DLG2: variants seen among roughly 807,000 people sequenced by gnomAD.
DLG2 encodes the protein discs large MAGUK scaffold protein 2.
DLG2 carries 45 observed loss-of-function variants against 132.5 expected under a neutral mutation model. That is an observed-to-expected ratio of 0.34 (90% confidence interval 0.27 to 0.44). The LOEUF (loss-of-function observed/expected upper bound fraction) is 0.44, where lower values mean the gene tolerates loss of function less well. Among genes scored for constraint, DLG2 ranks in the 20% least tolerant of loss-of-function variants. DLG2 has a pLI of 1.00. For missense variants in DLG2, 1,045 were observed against 1,196.9 expected, an observed-to-expected ratio of 0.87 and a Z score of 1.87; for synonymous variants, 424 against 419.6, an observed-to-expected ratio of 1.01 and a Z score of -0.13.
chr11:84,431,909 T>G (rs910006962), intron 7 of DLG2, among the ~76,000 whole-genome samples: 9 of 152,142 alleles, frequency 5.9e-5, no homozygotes, highest in Admixed American at 2.6e-4. Context: ...TTTTTAGTAA[T>G]AGATGAAATA....
chr11:85,513,569 G>T (rs1000395395), intron 3 of DLG2, among the ~76,000 whole-genome samples: 1 of 151,866 alleles, frequency 6.6e-6, no homozygotes, highest in Admixed American at 6.6e-5. Context: ...TCTTCAATGA[G>T]CACTTATCTT....
rs138711142 is a variant in DLG2, at chr11:84,880,358, G to A, written c.357+231303C>T. 2.0e-5 allele frequency among the ~76,000 whole-genome samples: 3 copies of A among 152,134 alleles called. No individual in the cohort carries two copies. In the East Asian group the frequency reaches 5.8e-4, roughly 29 times the overall value. ...TGTATTGAAACACAGACATTAAAGT[G>A]CCCAGCCACCGGGTGACTTATTTCA... is the stretch of plus-strand genomic sequence containing the variant. On this transcript the variant is annotated intron_variant, in intron 6 of 27. Coordinates refer to ENST00000376104, the MANE Select transcript of DLG2 (RefSeq NM_001142699.3).
chr11:83,547,968 A>G (rs1397111350), intron 19 of DLG2, among the ~76,000 whole-genome samples: 4 of 152,156 alleles, frequency 2.6e-5, no homozygotes, highest in African/African-American at 9.6e-5. Flanking sequence ...TTGCAGAAAT[A>G]CAGACTTTAA....
At chr11:84,256,953 G>A (rs1798281443) in intron 7 of DLG2, among the ~76,000 whole-genome samples, 1 of 152,178 alleles carries the variant, frequency 6.6e-6, no homozygotes, top group Non-Finnish European at 1.5e-5. Context: ...TCACACAGAA[G>A]ATTTCCATCG....
intron 7 of DLG2, among the ~76,000 whole-genome samples, chr11:84,306,496 G>T (rs969721214): frequency 6.6e-6 from 1 of 152,162 alleles, no homozygotes; most frequent in African/African-American, 2.4e-5. Context: ...AGAACAAAGT[G>T]TAATGGTCCC....
intron 6 of DLG2, among the ~76,000 whole-genome samples, chr11:84,803,478 C>T (rs914438552): frequency 6.6e-5 from 10 of 152,166 alleles, no homozygotes; most frequent in South Asian, 2.1e-4. Flanking sequence ...GCCCTGAAAA[C>T]GCAGTAAGTT....
At position 85,110,057 on chromosome 11, in the gene DLG2, T is replaced by C. The variant is rs1262383862; in HGVS notation, c.357+1604A>G. On this transcript the variant is annotated intron_variant, in intron 6 of 27. Transcript: ENST00000376104. ...TACCAGGGATTTTACTAGCTGTGGA[T>C]ATACTAGGACCCCAAGGAGCACATT... Among the ~76,000 whole-genome samples the C allele has an allele frequency of 2.6e-5, 4 of 152,068 alleles. No individual in the cohort carries two copies. In the East Asian group the frequency reaches 7.7e-4, roughly 29 times the overall value.
chr11:84,596,184 TTC>T (rs1555079095), intron 6 of DLG2, among the ~76,000 whole-genome samples: 1 of 139,868 alleles, frequency 7.1e-6, no homozygotes. Flanking sequence ...TTTCCTTCTT[TTC>T]TCTGTCTCTC....
intron 7 of DLG2, chr11:84,273,148 T>C (rs750432267): frequency 5.3e-6 from 8 of 1,513,412 alleles, no homozygotes; most frequent in South Asian, 4.0e-5. Context: ...AAATTTTCCT[T>C]ACCGGAATAA....
chr11:84,564,525 A>G (rs2099442744), intron 6 of DLG2, among the ~76,000 whole-genome samples: 1 of 152,210 alleles, frequency 6.6e-6, no homozygotes, highest in South Asian at 2.1e-4. Flanking sequence ...TTGAATAAGC[A>G]TAAAATATCG....
At chr11:83,506,721 C>A (rs1592072701) in intron 21 of DLG2, among the ~76,000 whole-genome samples, 1 of 152,276 alleles carries the variant, frequency 6.6e-6, no homozygotes, top group South Asian at 2.1e-4. Context: ...AAAAAAGGTT[C>A]ATCAGAATTT....
intron 3 of DLG2, among the ~76,000 whole-genome samples, chr11:85,473,256 A>G (rs1001262064): frequency 1.3e-5 from 2 of 152,214 alleles, no homozygotes; most frequent in Non-Finnish European, 2.9e-5. Context: ...AGTCATCCTG[A>G]GTGAAACTTG....
chr11:85,169,144 C>A (rs761316587), intron 4 of DLG2, among the ~76,000 whole-genome samples: 4 of 152,078 alleles, frequency 2.6e-5, no homozygotes, highest in Non-Finnish European at 5.9e-5. Flanking sequence ...ACAATGGGAA[C>A]GCTATAAAAA....
At chr11:84,069,086 T>C (rs1293366182) in intron 10 of DLG2, among the ~76,000 whole-genome samples, 1 of 152,174 alleles carries the variant, frequency 6.6e-6, no homozygotes, top group Non-Finnish European at 1.5e-5. Context: ...TGTTAAACTA[T>C]ACATTACCAC....
chr11:83,790,438 T>C lies in DLG2; in HGVS notation c.1723-3646A>G. ...TTGGTCCCCAGTACCATCCTTGTTT[T>C]GCAAGATCTTTTTAGCTCCTCTGTA... On this transcript the variant is annotated intron_variant, in intron 17 of 27. Transcript: ENST00000376104. 4.5e-6 allele frequency: 5 copies of C among 1,109,470 alleles called. No homozygotes were observed. In the South Asian group the frequency reaches 5.3e-5, roughly 12 times the overall value. The allele number at this position is 1,109,470 out of a possible 1,614,324, so 68.7% of individuals were successfully genotyped here. A position where few individuals can be genotyped will look rare whatever the true frequency, so the allele number is the denominator to read the frequency against.
At chr11:84,854,384 A>G (rs1409635464) in intron 6 of DLG2, among the ~76,000 whole-genome samples, 1 of 151,878 alleles carries the variant, frequency 6.6e-6, no homozygotes, top group Non-Finnish European at 1.5e-5. Context: ...ATTTGCCTCT[A>G]GACATTCCTG....
intron 4 of DLG2, among the ~76,000 whole-genome samples, chr11:85,206,166 G>A (rs899406997): frequency 1.3e-5 from 2 of 152,090 alleles, no homozygotes; most frequent in African/African-American, 2.4e-5. Context: ...GCTATGTGAA[G>A]TGCTGGCTCC....
intron 7 of DLG2, among the ~76,000 whole-genome samples, chr11:84,302,073 T>G (rs2098161971): frequency 6.6e-6 from 1 of 152,004 alleles, no homozygotes; most frequent in African/African-American, 2.4e-5. Flanking sequence ...CTGGAAACCA[T>G]CACTCTCAGC....
intron 5 of DLG2, among the ~76,000 whole-genome samples, chr11:85,120,714 C>T (rs897557244): frequency 2.6e-5 from 4 of 151,964 alleles, no homozygotes; most frequent in African/African-American, 9.7e-5. Context: ...AATGTGTTTT[C>T]ATACAAAAAT....
Sources: allele counts gnomAD v4.1 joint callset (sites outside exome capture counted in the v4.1 genomes callset), GRCh38; gene constraint gnomAD v4.1.1; transcripts MANE v1.5; gene names NCBI Gene and HGNC (gene_info 2026-07-23, HGNC 2026-07-21).